SLC25A18: variants seen among roughly 807,000 people sequenced by gnomAD.
SLC25A18 encodes the protein solute carrier family 25 member 18.
Under a neutral mutation model 31.1 loss-of-function variants are expected in SLC25A18, and 24 were observed. The ratio of observed to expected loss-of-function variants is 0.77; its 90% CI spans 0.56 to 1.08. SLC25A18 has a LOEUF of 1.08. Among genes scored for constraint, SLC25A18 ranks in the 50% least tolerant of loss-of-function variants. SLC25A18 has a pLI of 0.00. For synonymous variants in SLC25A18, 173 were observed against 161.9 expected (o/e 1.07, Z -0.52); for missense variants, 371 against 418.5 (o/e 0.89, Z 0.99).
chr22:17,580,476 C>T, intron 3 of SLC25A18: 2 of 970,010 alleles, frequency 2.1e-6, no homozygotes, highest in Non-Finnish European at 2.5e-6. Flanking sequence ...GGAACTAGGT[C>T]ACCTCAAGGG....
chr22:17,589,966 T>C (rs1255476741), intron 10 of SLC25A18, 129 bp from the exon 11 acceptor site: 1 of 1,326,558 alleles, frequency 7.5e-7, no homozygotes, highest in African/African-American at 1.5e-5. Flanking sequence ...TCCCACACCG[T>C]TGGCCTCTTG....
At chr22:17,580,455 T>G in intron 3 of SLC25A18, 1 of 884,416 alleles carries the variant, frequency 1.1e-6, no homozygotes, top group Non-Finnish European at 1.4e-6. Context: ...ACTGTGGCTT[T>G]ACTTTTGGCT....
chr22:17,585,651 T>TTTA (rs1555952012), intron 7 of SLC25A18, among the ~76,000 whole-genome samples: 9 of 122,112 alleles, frequency 7.4e-5, no homozygotes, highest in African/African-American at 3.1e-4. Flanking sequence ...ATTATTATTA[T>TTTA]TTTTTTTTTT....
At position 17,589,671 on chromosome 22, in the gene SLC25A18, A is replaced by T. The variant is rs762427371; in HGVS notation, c.806+6A>T. 1.2e-6 allele frequency: 2 copies of T among 1,613,966 alleles called. No individual in the cohort carries two copies. The highest frequency in any genetic ancestry group is 3.3e-5 in the Admixed American group (2 of 60,006). ...GGGATCACCGACTGTGCCAGGTGAG[A>T]GCCAGTGTCCCCTCAAATGGTGGCT... On this transcript the variant is annotated splice_donor_region_variant and intron_variant, in intron 10 of 10. Coordinates refer to ENST00000327451, the MANE Select transcript of SLC25A18 (RefSeq NM_031481.3).
intron 1 of SLC25A18, chr22:17,569,681 C>A: frequency 4.1e-6 from 4 of 985,384 alleles, no homozygotes; most frequent in Non-Finnish European, 4.8e-6. Context: ...ACTTTTTGTC[C>A]GAGTCATACT....
chr22:17,579,086 T>C (rs1004506909), intron 2 of SLC25A18, among the ~76,000 whole-genome samples: 3 of 151,874 alleles, frequency 2.0e-5, no homozygotes, highest in African/African-American at 7.3e-5. Context: ...TTTGTTTGTT[T>C]GTTTGTTTGT....
intron 7 of SLC25A18, among the ~76,000 whole-genome samples, 178 bp downstream of exon 7, chr22:17,583,712 G>A (rs1029047223): frequency 6.6e-6 from 1 of 152,060 alleles, no homozygotes; most frequent in Non-Finnish European, 1.5e-5. Flanking sequence ...GGGAGGCCGA[G>A]GCAGGTGGAT....
At chr22:17,576,476 C>T (rs934078321) in intron 2 of SLC25A18, among the ~76,000 whole-genome samples, 64 of 152,204 alleles carry the variant, frequency 4.2e-4, no homozygotes, top group South Asian at 8.3e-4. Context: ...CTTAGAACTG[C>T]AAATGGCATA....
At chr22:17,585,876 C>T (rs574238326) in intron 7 of SLC25A18, among the ~76,000 whole-genome samples, 28 of 152,060 alleles carry the variant, frequency 1.8e-4, no homozygotes, top group African/African-American at 4.8e-4. Context: ...TGGTCTTGAA[C>T]TCCCGACCTC....
intron 7 of SLC25A18, among the ~76,000 whole-genome samples, chr22:17,584,862 A>C (rs1398938212): frequency 6.6e-6 from 1 of 151,772 alleles, no homozygotes; most frequent in Admixed American, 6.6e-5. Context: ...TATGCTATAG[A>C]AGCTGGCTTT....
At chr22:17,584,007 T>C (rs1404359606) in intron 7 of SLC25A18, 9 of 958,856 alleles carry the variant, frequency 9.4e-6, no homozygotes, top group East Asian at 1.2e-4. Flanking sequence ...CTAGAACAAA[T>C]AGCAGAAATG....
intron 2 of SLC25A18, among the ~76,000 whole-genome samples, chr22:17,571,257 A>G (rs774848402): frequency 6.6e-6 from 1 of 152,152 alleles, no homozygotes; most frequent in Non-Finnish European, 1.5e-5. Flanking sequence ...AGGCATCCGG[A>G]GGGACAATCT....
intron 2 of SLC25A18, 104 bp downstream of exon 2, chr22:17,570,090 G>A: frequency 1.3e-6 from 1 of 787,178 alleles, no homozygotes; most frequent in South Asian, 5.8e-5. Flanking sequence ...GTGGGACAGG[G>A]ACACTCATCC....
chr22:17,579,234 C>T (rs1033723590), intron 2 of SLC25A18, among the ~76,000 whole-genome samples: 7 of 151,936 alleles, frequency 4.6e-5, no homozygotes, highest in African/African-American at 1.7e-4. Context: ...GATTACTAGC[C>T]CACCACCACA....
chr22:17,566,664 A>G (rs1459291591), intron 1 of SLC25A18, among the ~76,000 whole-genome samples: 3 of 152,068 alleles, frequency 2.0e-5, no homozygotes, highest in African/African-American at 4.8e-5. Context: ...CGCCCACCTC[A>G]GCCTCCCAAA....
At chr22:17,580,057 CT>C in intron 3 of SLC25A18, 93 bp downstream of exon 3, 1 of 1,315,192 alleles carries the variant, frequency 7.6e-7, no homozygotes, top group Non-Finnish European at 1.1e-6. Flanking sequence ...GAAGAACAAG[CT>C]GAGTCCTAGG....
At chr22:17,584,087 TCTC>T in intron 7 of SLC25A18, 1 of 984,910 alleles carries the variant, frequency 1.0e-6, no homozygotes. Context: ...TTAGACTTGA[TCTC>T]CTAAAGATTT....
In SLC25A18 at chr22:17,574,793, T is replaced by G. The variant is rs1010105711; in HGVS notation, c.-201+4807T>G. Among the ~76,000 whole-genome samples, 21 of 143,682 alleles carry G rather than the reference T, an allele frequency of 1.5e-4. 1 individual carries two copies. Among genetic ancestry groups the G allele is most frequent in the African/African-American group, 5.2e-4 (20 of 38,320 alleles). 94.3% of individuals were successfully genotyped at this position (143,682 alleles called of 152,430 possible). A position where few individuals can be genotyped will look rare whatever the true frequency, so the allele number is the denominator to read the frequency against. ...CCCTCGGCCTCCCAGAATGCTGGTA[T>G]CACAGGCGTGAGCCACTGTGCCTGG... On this transcript the variant is annotated intron_variant, in intron 2 of 10. Transcript: ENST00000327451.
In SLC25A18 at chr22:17,581,157, A is replaced by C; in HGVS notation, c.141A>C (p.Gly47=). 6.3e-7 allele frequency: 1 copy of C among 1,592,616 alleles called. No homozygotes were observed. ...AGCATGGGAAAGCCATGTACAAAGGAATGTAGGTGCTGGCAGGCGAGCGTG... is the reference window on the plus strand; with the variant it reads ...AGCATGGGAAAGCCATGTACAAAGGCATGTAGGTGCTGGCAGGCGAGCGTG... The part of the protein sequence containing the change: ...QNQHGKAMYK[G]MIDCLMKTAR... The change falls in exon 4 of 11, where the codon GGA becomes GGC. Residue 47 remains glycine (G), a splice_region_variant and synonymous_variant. Transcript: ENST00000327451.
Sources: gnomAD v4.1 joint callset for allele counts (sites outside exome capture counted in the v4.1 genomes callset) on GRCh38, gnomAD v4.1.1 for gene constraint, MANE v1.5 for transcripts, NCBI Gene and HGNC (gene_info 2026-07-23, HGNC 2026-07-21) for gene names.